Variants in VPS25 observed in about 807,000 individuals in gnomAD.
VPS25 encodes the protein vacuolar protein sorting 25 homolog.
VPS25 carries 21 observed loss-of-function variants against 30.3 expected under a neutral mutation model. The ratio of observed to expected loss-of-function variants is 0.69; its 90% CI spans 0.49 to 1.00. VPS25 has a LOEUF of 1.00. VPS25 is among the 50% of genes least tolerant of loss of function. The pLI, the probability that VPS25 is intolerant of heterozygous loss-of-function variation, is 0.00. For synonymous variants in VPS25, 101 were observed against 88.1 expected (o/e 1.15, Z -0.82); for missense variants, 156 against 217.2 (o/e 0.72, Z 1.77).
intron 5 of VPS25, among the ~76,000 whole-genome samples, chr17:42,777,646 C>T (rs1481914812): frequency 6.6e-6 from 1 of 152,236 alleles, no homozygotes; most frequent in Non-Finnish European, 1.5e-5. Context: ...CTCAGGCTCT[C>T]TTTCACCCTT....
intron 5 of VPS25, among the ~76,000 whole-genome samples, chr17:42,778,471 C>T (rs555957331): frequency 6.6e-6 from 1 of 152,310 alleles, no homozygotes; most frequent in African/African-American, 2.4e-5. Context: ...AGGCGTGAGC[C>T]ACCGCGCCTG....
chr17:42,776,197 C>T (rs762165851), intron 4 of VPS25, 48 bp from the exon 5 acceptor site: 1 of 1,526,366 alleles, frequency 6.6e-7, no homozygotes, highest in South Asian at 1.1e-5. Context: ...TTACTGTCTC[C>T]CAGGAGATTC....
intron 4 of VPS25, 76 bp downstream of exon 4, chr17:42,775,545 C>G: frequency 1.6e-6 from 2 of 1,253,238 alleles, no homozygotes; most frequent in Non-Finnish European, 2.3e-6. Context: ...TAGCAGATAG[C>G]CGGTGTTCCC....
Position 42,776,225 on chromosome 17 carries a change from C to T in VPS25, c.343-20C>T. On this transcript the variant is annotated intron_variant, in intron 4 of 5. Transcript: ENST00000253794. ...GGAGATTCTTGGTTCTAATTCACTC[C>T]TCATTTTCTGTATTCACAGGTTTCC... The T allele has an allele frequency of 1.2e-6, 2 of 1,609,586 alleles. No individual in the cohort carries two copies. The highest frequency in any genetic ancestry group is 2.2e-5 in the East Asian group (1 of 44,854).
chr17:42,775,283 T>A lies in VPS25; in HGVS notation c.254-98T>A, dbSNP rs2054429896. ...GGTCTCATCATGTTGCCCAGGCTAG[T>A]TTCGAACTCCTGGGCTCAAGCAGTC... On this transcript the variant is annotated intron_variant, in intron 3 of 5. Coordinates refer to ENST00000253794, the MANE Select transcript of VPS25 (RefSeq NM_032353.4). 28 of 868,222 alleles carry A rather than the reference T, an allele frequency of 3.2e-5. No homozygotes were observed. The South Asian group carries it at 3.9e-4, about 12-fold the overall frequency. 53.8% of individuals were successfully genotyped at this position (868,222 alleles called of 1,614,324 possible). A position where few individuals can be genotyped will look rare whatever the true frequency, so the allele number is the denominator to read the frequency against.
At chr17:42,774,798 C>G (rs2054427841) in intron 3 of VPS25, 99 bp downstream of exon 3, 1 of 1,129,098 alleles carries the variant, frequency 8.9e-7, no homozygotes, top group African/African-American at 1.6e-5. Context: ...CTTTTTCTCT[C>G]TCCTGGCTTG....
intron 4 of VPS25, among the ~76,000 whole-genome samples, 162 bp downstream of exon 4, chr17:42,775,631 C>G (rs749211612): frequency 6.6e-6 from 1 of 152,186 alleles, no homozygotes; most frequent in Non-Finnish European, 1.5e-5. Context: ...CTTTAAGTGA[C>G]TCAATGTCTT....
Position 42,779,270 on chromosome 17 carries a change from G to T in VPS25, c.*201G>T. On this transcript the variant is annotated 3_prime_UTR_variant, in exon 6 of 6. Transcript: ENST00000253794. ...GATAGGGTGAGGCTGAAGCACCAGGGAGAAAATATGTGCTTCTTCTCGCCC... is the reference window on the plus strand; with the variant it reads ...GATAGGGTGAGGCTGAAGCACCAGGTAGAAAATATGTGCTTCTTCTCGCCC... The T allele has an allele frequency of 1.8e-6, 1 of 544,526 alleles. No individual in the cohort carries two copies. Among genetic ancestry groups the T allele is most frequent in the South Asian group, 2.0e-5 (1 of 49,386 alleles). 33.7% of individuals were successfully genotyped at this position (544,526 alleles called of 1,614,324 possible).
intron 5 of VPS25, among the ~76,000 whole-genome samples, chr17:42,778,332 C>G (rs534396503): frequency 6.6e-6 from 1 of 152,178 alleles, no homozygotes; most frequent in South Asian, 2.1e-4. Context: ...TACAAGTGAC[C>G]ACCACCATGC....
chr17:42,778,385 A>C (rs1237252862), intron 5 of VPS25, among the ~76,000 whole-genome samples: 1 of 152,110 alleles, frequency 6.6e-6, no homozygotes, highest in Non-Finnish European at 1.5e-5. Flanking sequence ...GGGTTTCTCC[A>C]TGTTGGCCAG....
rs753667180 is a variant in VPS25 at position 42,774,665 on chromosome 17, G to A, written c.219G>A (p.Ser73=). 6.8e-6 allele frequency: 11 copies of A among 1,612,986 alleles called. No individual in the cohort carries two copies. The highest frequency in any genetic ancestry group is 2.2e-5 in the East Asian group (1 of 44,878). ...VKLQRKLPVE[S]IQIVLEELRK... is the part of the protein sequence containing the mutation. Reference sequence around the variant, plus strand: ...AACCAGGAAAGCTTCCTGTGGAGTCGATCCAGATTGTATTAGAGGAACTGA... The same window carrying A: ...AACCAGGAAAGCTTCCTGTGGAGTCAATCCAGATTGTATTAGAGGAACTGA... The change falls in exon 3 of 6, where the codon TCG becomes TCA. Residue 73 remains serine (S), a synonymous_variant. Transcript: ENST00000253794.
At chr17:42,776,353 T>G in intron 5 of VPS25, 33 bp downstream of exon 5, 1 of 1,602,598 alleles carries the variant, frequency 6.2e-7, no homozygotes, top group Non-Finnish European at 8.5e-7. Context: ...CATAGTTAAT[T>G]TTTTGTTTTG....
At chr17:42,774,140 T>A in intron 2 of VPS25, 1 of 403,662 alleles carries the variant, frequency 2.5e-6, no homozygotes, top group Non-Finnish European at 4.4e-6. Context: ...TCCAAGTTTT[T>A]TAACCTAAAC....
At chr17:42,775,502 T>C (rs770298617) in intron 4 of VPS25, 33 bp downstream of exon 4, 1 of 1,567,090 alleles carries the variant, frequency 6.4e-7, no homozygotes, top group Admixed American at 1.7e-5. Flanking sequence ...TATTCAACAG[T>C]GACCCATGGA....
intron 5 of VPS25, 57 bp from the exon 6 acceptor site, chr17:42,778,900 C>G: frequency 1.3e-6 from 2 of 1,546,270 alleles, no homozygotes; most frequent in Middle Eastern, 1.7e-4. Context: ...AGAGCACTCT[C>G]CTCAGAGGCC....
Position 42,774,692 on chromosome 17 carries a change from G to T in VPS25, c.246G>T (p.Arg82Ser). The T allele has an allele frequency of 6.2e-7, 1 of 1,612,606 alleles. No individual in the cohort carries two copies. Among genetic ancestry groups the T allele is most frequent in the South Asian group, 1.1e-5 (1 of 90,962 alleles). ...ESIQIVLEELRKKGNLEWLDK... is the reference protein window; with the variant it reads ...ESIQIVLEELSKKGNLEWLDK... Reference sequence around the variant, plus strand: ...TCCAGATTGTATTAGAGGAACTGAGGAAGAAAGGTGGGTTCAGTTCCCCAG... The same window carrying T: ...TCCAGATTGTATTAGAGGAACTGAGTAAGAAAGGTGGGTTCAGTTCCCCAG... The change falls in exon 3 of 6, where the codon AGG becomes AGT. Residue 82 changes from arginine (R) to serine (S), a missense_variant. Physicochemically the swap from Arg to Ser is moderately radical, Grantham distance 110. Coordinates refer to ENST00000253794, the MANE Select transcript of VPS25 (RefSeq NM_032353.4).
intron 5 of VPS25, among the ~76,000 whole-genome samples, chr17:42,777,969 C>T (rs1187448948): frequency 5.3e-5 from 8 of 152,096 alleles, no homozygotes; most frequent in African/African-American, 1.9e-4. Context: ...GCTACTCCCA[C>T]CATCACCCCA....
At chr17:42,773,662 C>A (rs2054421467) in intron 1 of VPS25, 71 bp from the exon 2 acceptor site, 3 of 1,604,780 alleles carry the variant, frequency 1.9e-6, no homozygotes, top group Non-Finnish European at 2.6e-6. Context: ...TTACTTTCTT[C>A]CTGAAATGCG....
Position 42,776,228 on chromosome 17 carries a change from A to T in VPS25, c.343-17A>T. On this transcript the variant is annotated splice_polypyrimidine_tract_variant and intron_variant, in intron 4 of 5. Transcript: ENST00000253794. ...GATTCTTGGTTCTAATTCACTCCTC[A>T]TTTTCTGTATTCACAGGTTTCCAGG... The T allele has an allele frequency of 1.2e-6, 2 of 1,610,520 alleles. No individual in the cohort carries two copies. Among genetic ancestry groups the T allele is most frequent in the South Asian group, 2.2e-5 (2 of 90,856 alleles).
Sources: gnomAD v4.1 joint callset for allele counts (sites outside exome capture counted in the v4.1 genomes callset) on GRCh38, gnomAD v4.1.1 for gene constraint, MANE v1.5 for transcripts, NCBI Gene and HGNC (gene_info 2026-07-23, HGNC 2026-07-21) for gene names.